The following RHPN2 variants were observed in gnomAD, a reference collection of about 807,000 sequenced individuals.
RHPN2 encodes rhophilin-2.
In RHPN2, 40 loss-of-function variants were observed where a neutral mutation model predicts 79.0. The observed-to-expected ratio is 0.51, with a 90% CI of 0.39 to 0.66. The LOEUF is 0.66. Among genes scored for constraint, RHPN2 ranks in the 30% least tolerant of loss-of-function variants. The probability of loss-of-function intolerance (pLI) is 0.00; values close to 1 mark genes in which losing one functional copy is unlikely to be tolerated. For missense variants in RHPN2, 686 were observed against 883.5 expected (o/e 0.78, Z 2.83); for synonymous variants, 285 against 363.5 (o/e 0.78, Z 2.46).
chr19:33,060,526 CTTTG>C lies in RHPN2; in HGVS notation c.69+4254_69+4257del, dbSNP rs879801848. 2.4e-3 allele frequency among the ~76,000 whole-genome samples: 355 copies of C among 150,898 alleles called. 1 individual carries two copies. The highest frequency in any genetic ancestry group is 7.9e-3 in the African/African-American group (326 of 41,280). ...TGAGGCTGTGTTTACACGGCCGTTT[CTTTG>C]TTTGTTTGTTTGTTTTTTGTGAGAC... On this transcript the variant is annotated intron_variant, in intron 1 of 14. Transcript: ENST00000254260.
intron 10 of RHPN2, among the ~76,000 whole-genome samples, chr19:32,999,242 A>C (rs1971729245): frequency 6.6e-6 from 1 of 152,098 alleles, no homozygotes; most frequent in Non-Finnish European, 1.5e-5. Flanking sequence ...CTGCATTACC[A>C]GTCATTAGGT....
chr19:33,014,976 T>C (rs1200510062), intron 4 of RHPN2, among the ~76,000 whole-genome samples: 1 of 151,926 alleles, frequency 6.6e-6, no homozygotes, highest in Non-Finnish European at 1.5e-5. Context: ...GAGGATCACT[T>C]GAGCCCAGGA....
chr19:33,057,161 A>C (rs546749950), intron 1 of RHPN2, among the ~76,000 whole-genome samples: 1 of 117,098 alleles, frequency 8.5e-6, no homozygotes, highest in Admixed American at 7.6e-5. Flanking sequence ...CCCAGGCAAC[A>C]CAGTGAGACC....
intron 11 of RHPN2, among the ~76,000 whole-genome samples, 182 bp from the exon 12 acceptor site, chr19:32,994,235 AAAAT>A (rs1835682851): frequency 6.6e-6 from 1 of 152,064 alleles, no homozygotes; most frequent in Admixed American, 6.6e-5. Flanking sequence ...ATCTCTATTA[AAAAT>A]ACAAAAATTA....
chr19:32,990,344 C>G, intron 14 of RHPN2, 170 bp downstream of exon 14: 1 of 751,436 alleles, frequency 1.3e-6, no homozygotes, highest in East Asian at 2.7e-5. Flanking sequence ...CCAATTTTCT[C>G]TTTGACCCAA....
At chr19:33,060,613 G>A (rs1037523877) in intron 1 of RHPN2, among the ~76,000 whole-genome samples, 41 of 152,044 alleles carry the variant, frequency 2.7e-4, no homozygotes, top group African/African-American at 9.7e-4. Context: ...GCTCACTGCA[G>A]CCTCAACCTC....
At position 33,002,288 on chromosome 19, in the gene RHPN2, A is replaced by G. The variant is rs773184319; in HGVS notation, c.1064T>C (p.Leu355Pro). 1.2e-6 allele frequency: 2 copies of G among 1,613,724 alleles called. No individual in the cohort carries two copies. Among genetic ancestry groups the G allele is most frequent in the Admixed American group, 1.7e-5 (1 of 60,016 alleles). ...ACVKAHHYAALAHYFTAILLI... is the reference protein window; with the variant it reads ...ACVKAHHYAAPAHYFTAILLI... ...GAGGATGGCAGTGAAGTAGTGGGCC[A>G]GGGCCGCGTAGTGGTGGGCCTTCAC... The change falls in exon 9 of 15, where the codon CTG (leucine) becomes CCG (proline). Residue 355 changes from leucine to proline, a missense_variant. Leu to Pro is a moderately conservative substitution (Grantham distance 98). Coordinates refer to ENST00000254260, the MANE Select transcript of RHPN2 (RefSeq NM_033103.5).
chr19:33,019,661 G>A (rs1568317696), intron 4 of RHPN2, among the ~76,000 whole-genome samples: 1 of 152,056 alleles, frequency 6.6e-6, no homozygotes, highest in Admixed American at 6.6e-5. Flanking sequence ...CTACTCAGGA[G>A]GCTGAAGTGG....
chr19:33,011,568 A>G, intron 6 of RHPN2, 111 bp downstream of exon 6: 4 of 1,272,990 alleles, frequency 3.1e-6, no homozygotes, highest in Non-Finnish European at 4.6e-6. Context: ...AAGATAGGAA[A>G]GGGGGCTGAG....
intron 4 of RHPN2, among the ~76,000 whole-genome samples, chr19:33,015,913 A>G (rs10406104): frequency 0.81 from 122,862 of 151,934 alleles, 50,477 homozygotes; most frequent in African/African-American, 0.95. Context: ...AGCTGGGTAT[A>G]GTGGCAGGTG....
At chr19:33,015,864 C>G (rs1333597575) in intron 4 of RHPN2, among the ~76,000 whole-genome samples, 3 of 152,052 alleles carry the variant, frequency 2.0e-5, no homozygotes, top group Non-Finnish European at 4.4e-5. Flanking sequence ...GCCTGGCCAA[C>G]AAGGTGAAAC....
At position 32,991,875 on chromosome 19, in the gene RHPN2, C is replaced by G; in HGVS notation, c.1592G>C (p.Arg531Thr). The G allele has an allele frequency of 6.2e-7, 1 of 1,613,982 alleles. No individual in the cohort carries two copies. The highest frequency in any genetic ancestry group is 1.7e-4 in the Middle Eastern group (1 of 6,056). ...AEEGDLGFTL[R>T]GNAPVQVHFL... is the part of the protein sequence containing the mutation. Reference sequence around the variant, plus strand: ...GTGAACCTGAACGGGGGCGTTCCCTCTCAAGGTGAACCCCAAGTCCCCTTC... The same window carrying G: ...GTGAACCTGAACGGGGGCGTTCCCTGTCAAGGTGAACCCCAAGTCCCCTTC... The change falls in exon 13 of 15, where the codon AGA becomes ACA. Residue 531 changes from arginine (R) to threonine (T), a missense_variant. Physicochemically the swap from Arg to Thr is moderately conservative, Grantham distance 71 (BLOSUM62 -1). Transcript: ENST00000254260.
chr19:32,978,766 CTG>C lies in RHPN2; in HGVS notation c.*1228_*1229del, dbSNP rs1025617083. ...ATGTATTTTAGCTATGTAACTTGTA[CTG>C]TGTCAACAGTGAACCTTATTAGATT... On this transcript the variant is annotated 3_prime_UTR_variant, in exon 15 of 15. Coordinates refer to ENST00000254260, the MANE Select transcript of RHPN2 (RefSeq NM_033103.5). 11 of 152,668 alleles carry C rather than the reference CTG, an allele frequency of 7.2e-5. No individual in the cohort carries two copies. Among genetic ancestry groups the C allele is most frequent in the African/African-American group, 2.6e-4 (11 of 41,552 alleles). 9.5% of individuals were successfully genotyped at this position (152,668 alleles called of 1,614,324 possible). A position where few individuals can be genotyped will look rare whatever the true frequency, so the allele number is the denominator to read the frequency against.
intron 1 of RHPN2, among the ~76,000 whole-genome samples, chr19:33,046,473 G>C (rs554297316): frequency 5.3e-5 from 8 of 151,946 alleles, no homozygotes; most frequent in African/African-American, 1.9e-4. Context: ...CATGATGTTG[G>C]CCAGGGTGAT....
At chr19:33,007,947 TG>T in intron 7 of RHPN2, 66 bp downstream of exon 7, 4 of 1,563,202 alleles carry the variant, frequency 2.6e-6, no homozygotes, top group African/African-American at 2.7e-5. Context: ...TTCTCTTCAG[TG>T]GGGGGTCCCC....
intron 7 of RHPN2, among the ~76,000 whole-genome samples, chr19:33,003,394 G>GA (rs1971766637): frequency 7.1e-6 from 1 of 141,750 alleles, no homozygotes. Flanking sequence ...GAAAAGACAG[G>GA]AGAAAAAAAA....
chr19:33,037,609 G>GGAACAACTCCAGAC (rs528134177), intron 2 of RHPN2, among the ~76,000 whole-genome samples: 2 of 152,074 alleles, frequency 1.3e-5, no homozygotes, highest in Non-Finnish European at 2.9e-5. Flanking sequence ...CCGGGAGGAA[G>GGAACAACTCCAGAC]GAACAACTCC....
At chr19:33,025,481 C>CA (rs1265765367) in intron 3 of RHPN2, among the ~76,000 whole-genome samples, 4,097 of 138,022 alleles carry the variant, frequency 0.03, 183 homozygotes, top group African/African-American at 0.1. Context: ...GACTCTGTGT[C>CA]AAAAAAAAAA....
At chr19:33,060,587 C>T (rs1972271497) in intron 1 of RHPN2, among the ~76,000 whole-genome samples, 1 of 152,040 alleles carries the variant, frequency 6.6e-6, no homozygotes, top group Non-Finnish European at 1.5e-5. Context: ...GGCTGGAGTG[C>T]AGTGACATGA....
Sources: gnomAD v4.1 joint callset for allele counts (sites outside exome capture counted in the v4.1 genomes callset) on GRCh38, gnomAD v4.1.1 for gene constraint, MANE v1.5 for transcripts, NCBI Gene and HGNC (gene_info 2026-07-23, HGNC 2026-07-21) for gene names.